Variants in IKZF2 observed in about 807,000 individuals in gnomAD.
The protein encoded by IKZF2 is zinc finger protein Helios.
A neutral mutation model predicts 49.2 loss-of-function variants in IKZF2; 15 were observed. The ratio of observed to expected loss-of-function variants is 0.30; its 90% CI spans 0.20 to 0.47. The LOEUF (loss-of-function observed/expected upper bound fraction) is 0.47, where lower values mean the gene tolerates loss of function less well. IKZF2 is among the 20% of genes least tolerant of loss of function. The probability of loss-of-function intolerance (pLI) is 1.00; values close to 1 mark genes in which losing one functional copy is unlikely to be tolerated. For synonymous variants in IKZF2, 227 were observed against 221.4 expected, an observed-to-expected ratio of 1.03 and a Z score of -0.23; for missense variants, 567 against 664.6, an observed-to-expected ratio of 0.85 and a Z score of 1.61.
chr2:213,137,103 G>A (rs2060705472), intron 4 of IKZF2, among the ~76,000 whole-genome samples: 1 of 151,918 alleles, frequency 6.6e-6, no homozygotes, highest in Non-Finnish European at 1.5e-5. Context: ...GTTTTGTTGA[G>A]GTACGGGGGT....
At chr2:213,020,727 A>G (rs1202011724) in intron 7 of IKZF2, among the ~76,000 whole-genome samples, 10 of 152,302 alleles carry the variant, frequency 6.6e-5, no homozygotes, top group African/African-American at 1.9e-4. Context: ...TCCCAACTCA[A>G]CAACACATAA....
chr2:213,071,244 TACAA>T (rs1460902640), intron 4 of IKZF2, among the ~76,000 whole-genome samples: 2 of 152,078 alleles, frequency 1.3e-5, no homozygotes, highest in African/African-American at 4.8e-5. Flanking sequence ...CTAGATACTA[TACAA>T]ACAAATATTT....
At chr2:213,068,186 T>A (rs1006375907) in intron 4 of IKZF2, among the ~76,000 whole-genome samples, 3 of 152,166 alleles carry the variant, frequency 2.0e-5, no homozygotes, top group African/African-American at 4.8e-5. Context: ...CTTGTGTATG[T>A]ATGATATTAC....
chr2:213,145,525 A>G lies in IKZF2; in HGVS notation c.139+2183T>C, dbSNP rs541632640. On this transcript the variant is annotated intron_variant, in intron 4 of 8. Transcript: ENST00000434687. ...ACAAAAAATTATTCCAAGTCACAGAAAAACATCAGAGTGACCAATTCTAGG... is the reference window on the plus strand; with the variant it reads ...ACAAAAAATTATTCCAAGTCACAGAGAAACATCAGAGTGACCAATTCTAGG... 1.2e-4 allele frequency among the ~76,000 whole-genome samples: 18 copies of G among 152,174 alleles called. No homozygotes were observed. The South Asian group carries it at 3.7e-3, about 32-fold the overall frequency.
At chr2:213,081,106 T>A (rs547536988) in intron 4 of IKZF2, 1 of 154,744 alleles carries the variant, frequency 6.5e-6, no homozygotes, top group African/African-American at 2.4e-5. Context: ...GTAAGGCCCA[T>A]GAGGGTCAAG....
At position 213,032,884 on chromosome 2, in the gene IKZF2, A is replaced by G. The variant is rs565528268; in HGVS notation, c.575-10754T>C. Among the ~76,000 whole-genome samples the G allele has an allele frequency of 3.0e-4, 45 of 152,336 alleles. 2 individuals are homozygous for G. The East Asian group carries it at 7.7e-3, about 26-fold the overall frequency. On this transcript the variant is annotated intron_variant, in intron 6 of 8. Coordinates refer to ENST00000434687, the MANE Select transcript of IKZF2 (RefSeq NM_001387220.1). ...GGCAATTCCTTAACATAAGGCAACA[A>G]TGAAGTTTGCCACATCAGTCAACAC...
chr2:213,146,488 A>T (rs1442978688), intron 4 of IKZF2, among the ~76,000 whole-genome samples: 1 of 152,086 alleles, frequency 6.6e-6, no homozygotes, highest in Non-Finnish European at 1.5e-5. Flanking sequence ...AAATAAATAA[A>T]GCAAATTCAA....
At chr2:213,117,000 G>A (rs569876080) in intron 4 of IKZF2, among the ~76,000 whole-genome samples, 62 of 152,124 alleles carry the variant, frequency 4.1e-4, no homozygotes, top group African/African-American at 3.9e-4. Context: ...GTTGTACCTC[G>A]TAATTTGTAC....
At chr2:213,034,690 T>C (rs1286903255) in intron 6 of IKZF2, among the ~76,000 whole-genome samples, 1 of 151,982 alleles carries the variant, frequency 6.6e-6, no homozygotes, top group Non-Finnish European at 1.5e-5. Flanking sequence ...ACAAGAAAGA[T>C]CACAGATCAC....
At chr2:213,108,977 A>C (rs1045939316) in intron 4 of IKZF2, among the ~76,000 whole-genome samples, 2 of 152,172 alleles carry the variant, frequency 1.3e-5, no homozygotes, top group South Asian at 2.1e-4. Context: ...AGATCCTACT[A>C]TATAAACTTG....
chr2:213,030,899 C>G (rs529478496), intron 6 of IKZF2, among the ~76,000 whole-genome samples: 1 of 150,098 alleles, frequency 6.7e-6, no homozygotes, highest in African/African-American at 2.5e-5. Context: ...CACCTCGGAT[C>G]ACTGCAACCT....
chr2:213,063,594 G>C (rs1404289805), intron 4 of IKZF2, among the ~76,000 whole-genome samples: 1 of 151,878 alleles, frequency 6.6e-6, no homozygotes, highest in Non-Finnish European at 1.5e-5. Flanking sequence ...AAATAAAACA[G>C]TTTTTATGAT....
chr2:213,101,213 C>A (rs1050892860), intron 4 of IKZF2, among the ~76,000 whole-genome samples: 1 of 151,684 alleles, frequency 6.6e-6, no homozygotes, highest in Non-Finnish European at 1.5e-5. Flanking sequence ...TTCAAGCCTG[C>A]TTTAAAAAAA....
At chr2:213,008,187 T>C in intron 8 of IKZF2, 103 bp from the exon 9 acceptor site, 1 of 1,304,588 alleles carries the variant, frequency 7.7e-7, no homozygotes, top group Non-Finnish European at 1.0e-6. Context: ...ACTGATTGCC[T>C]CCATTTTTCA....
chr2:213,009,782 G>A (rs1345486308), intron 8 of IKZF2, among the ~76,000 whole-genome samples: 1 of 152,012 alleles, frequency 6.6e-6, no homozygotes, highest in Admixed American at 6.6e-5. Context: ...GGGGACTAAA[G>A]GAACACTTCT....
chr2:213,054,715 T>C lies in IKZF2; in HGVS notation c.406+2118A>G, dbSNP rs73987748. Reference sequence around the variant, plus strand: ...ATTTGCACAATGCTCCAATAAACACTGATTGACAAAAAAAGATAGTGTTGC... The same window carrying C: ...ATTTGCACAATGCTCCAATAAACACCGATTGACAAAAAAAGATAGTGTTGC... On this transcript the variant is annotated intron_variant, in intron 5 of 8. Coordinates refer to ENST00000434687, the MANE Select transcript of IKZF2 (RefSeq NM_001387220.1). Among the ~76,000 whole-genome samples the C allele has an allele frequency of 3.3e-3, 499 of 152,266 alleles. 4 individuals carry two copies. The Middle Eastern group carries it at 0.037, about 11-fold the overall frequency.
chr2:213,095,428 T>C (rs1705859511), intron 4 of IKZF2, among the ~76,000 whole-genome samples: 2 of 152,024 alleles, frequency 1.3e-5, no homozygotes, highest in Non-Finnish European at 2.9e-5. Flanking sequence ...ATCACTGAAT[T>C]AAAATAGTCT....
At chr2:213,062,177 A>G (rs1333380077) in intron 4 of IKZF2, among the ~76,000 whole-genome samples, 4 of 151,672 alleles carry the variant, frequency 2.6e-5, no homozygotes, top group Admixed American at 2.6e-4. Flanking sequence ...TAATTTTTAA[A>G]TGTCAAGTTC....
At chr2:213,109,727 T>C (rs2059641130) in intron 4 of IKZF2, among the ~76,000 whole-genome samples, 1 of 152,020 alleles carries the variant, frequency 6.6e-6, no homozygotes, top group Non-Finnish European at 1.5e-5. Flanking sequence ...GTACAGCAAT[T>C]TGGCAATACT....
Sources: gnomAD v4.1 joint callset for allele counts (sites outside exome capture counted in the v4.1 genomes callset) on GRCh38, gnomAD v4.1.1 for gene constraint, MANE v1.5 for transcripts, NCBI Gene and HGNC (gene_info 2026-07-23, HGNC 2026-07-21) for gene names.